Variants in SOX5 observed in about 807,000 individuals in gnomAD.
SOX5 encodes transcription factor SOX-5.
A neutral mutation model predicts 92.0 loss-of-function variants in SOX5; 9 were observed. The observed-to-expected ratio is 0.10, with a 90% confidence interval of 0.06 to 0.17. The LOEUF (loss-of-function observed/expected upper bound fraction) is 0.17. Among genes scored for constraint, SOX5 ranks in the 10% least tolerant of loss-of-function variants. The probability of loss-of-function intolerance (pLI) is 1.00; values close to 1 mark genes in which losing one functional copy is unlikely to be tolerated. For synonymous variants in SOX5, 344 were observed against 336.3 expected (o/e 1.02, Z -0.25); for missense variants, 642 against 944.5 (o/e 0.68, Z 4.20).
At chr12:24,420,016 A>AT (rs755245374) in intron 1 of SOX5, among the ~76,000 whole-genome samples, 11 of 152,262 alleles carry the variant, frequency 7.2e-5, no homozygotes, top group South Asian at 2.1e-4. Flanking sequence ...AAATGTATAC[A>AT]TTATGGTTGA....
intron 1 of SOX5, among the ~76,000 whole-genome samples, chr12:24,558,705 C>T (rs1954049018): frequency 6.6e-6 from 1 of 152,208 alleles, no homozygotes; most frequent in Non-Finnish European, 1.5e-5. Flanking sequence ...TACTTCTCCA[C>T]ATCAGAAATC....
At chr12:23,891,178 ATGAACT>A (rs762525663) in intron 2 of SOX5, among the ~76,000 whole-genome samples, 93 of 152,320 alleles carry the variant, frequency 6.1e-4, no homozygotes, top group Non-Finnish European at 8.1e-4. Context: ...CCAGGAATAA[ATGAACT>A]TTAAGTATTT....
At chr12:24,251,717 G>A (rs1048767189) in intron 3 of SOX5, among the ~76,000 whole-genome samples, 13 of 151,442 alleles carry the variant, frequency 8.6e-5, no homozygotes, top group South Asian at 2.1e-4. Flanking sequence ...GATTACAGGC[G>A]CCTGCCACCA....
chr12:23,869,419 A>T (rs530668614), intron 2 of SOX5, among the ~76,000 whole-genome samples: 2 of 152,114 alleles, frequency 1.3e-5, no homozygotes, highest in South Asian at 4.1e-4. Context: ...TTTTCAAATC[A>T]TATCTATCCT....
At chr12:23,903,086 T>C (rs2097253817) in intron 1 of SOX5, among the ~76,000 whole-genome samples, 1 of 152,154 alleles carries the variant, frequency 6.6e-6, no homozygotes, top group South Asian at 2.1e-4. Flanking sequence ...ACCTATTCAT[T>C]CATTAGTGGA....
At position 23,557,962 on chromosome 12, in the gene SOX5, C is replaced by T. The variant is rs191225510; in HGVS notation, c.1488+5296G>A. Among the ~76,000 whole-genome samples, 3 of 124,368 alleles carry T rather than the reference C, an allele frequency of 2.4e-5. No homozygotes were observed. The East Asian group carries it at 7.0e-4, about 29-fold the overall frequency. The allele number at this position is 124,368 out of a possible 152,430, so 81.6% of individuals were successfully genotyped here. On this transcript the variant is annotated intron_variant, in intron 11 of 14. Coordinates refer to ENST00000451604, the MANE Select transcript of SOX5 (RefSeq NM_006940.6). ...TTGCACTCCAGCCTGGGTGACAGAG[C>T]GAGACTCCGCCTCAAAAAAAAAAAA... is the stretch of plus-strand genomic sequence containing the variant.
rs545892917 is a variant in SOX5 at position 24,019,872 on chromosome 12, C to T, written c.-1-123848G>A. Among the ~76,000 whole-genome samples the T allele has an allele frequency of 6.6e-5, 10 of 152,220 alleles. No homozygotes were observed. In the South Asian group the frequency reaches 2.1e-3, roughly 32 times the overall value. ...TATTTCCCTCTTAAACTACGAGAAG[C>T]AGTTGAGGGAATGGAGGCAATTAAT... is the stretch of plus-strand genomic sequence containing the variant. On this transcript the variant is annotated intron_variant, in intron 4 of 4. Transcript: ENST00000446891.
At chr12:24,037,704 A>G (rs1479821195) in intron 4 of SOX5, among the ~76,000 whole-genome samples, 1 of 152,198 alleles carries the variant, frequency 6.6e-6, no homozygotes, top group Non-Finnish European at 1.5e-5. Context: ...ATTTTAGGAA[A>G]AGATGTTACA....
intron 2 of SOX5, among the ~76,000 whole-genome samples, chr12:24,297,036 A>G (rs1947348183): frequency 6.6e-6 from 1 of 151,976 alleles, no homozygotes. Flanking sequence ...TGAATTAATA[A>G]TTTTTTGTAT....
At chr12:23,819,284 C>T (rs1020550403) in intron 3 of SOX5, among the ~76,000 whole-genome samples, 2 of 152,104 alleles carry the variant, frequency 1.3e-5, no homozygotes, top group Non-Finnish European at 2.9e-5. Flanking sequence ...TTTTCTGGGG[C>T]CATTGTTATA....
intron 10 of SOX5, among the ~76,000 whole-genome samples, chr12:23,572,292 C>A (rs1265844860): frequency 1.3e-5 from 2 of 152,112 alleles, no homozygotes; most frequent in East Asian, 1.9e-4. Flanking sequence ...CAGGAGTGAC[C>A]TTTACAACAC....
chr12:23,567,464 A>ATTTTTTT (rs35620007), intron 10 of SOX5, among the ~76,000 whole-genome samples: 3 of 119,142 alleles, frequency 2.5e-5, no homozygotes, highest in Admixed American at 9.4e-5. Flanking sequence ...ATTTGATTTG[A>ATTTTTTT]TTTTTTTTTT....
intron 3 of SOX5, among the ~76,000 whole-genome samples, chr12:23,833,784 T>C (rs978606090): frequency 6.6e-6 from 1 of 151,830 alleles, no homozygotes; most frequent in East Asian, 1.9e-4. Context: ...TTGGAGAAGA[T>C]GGAATAAATG....
At chr12:23,750,295 T>C (rs1052697074) in intron 4 of SOX5, among the ~76,000 whole-genome samples, 7 of 151,932 alleles carry the variant, frequency 4.6e-5, no homozygotes, top group African/African-American at 1.4e-4. Flanking sequence ...GTAAGAAAGA[T>C]GTTTACGCAG....
intron 1 of SOX5, among the ~76,000 whole-genome samples, chr12:23,938,929 T>G (rs940749626): frequency 6.6e-6 from 1 of 151,040 alleles, no homozygotes; most frequent in East Asian, 1.9e-4. Context: ...AGTATGTTAT[T>G]AAACAAAAAA....
chr12:24,432,422 G>A (rs12302145), intron 1 of SOX5, among the ~76,000 whole-genome samples: 3,136 of 152,194 alleles, frequency 0.021, 127 homozygotes, highest in African/African-American at 0.072. Flanking sequence ...CAAAACAAAG[G>A]GAGAGGAGAT....
At chr12:23,991,220 A>C (rs924497021) in intron 4 of SOX5, among the ~76,000 whole-genome samples, 37 of 151,334 alleles carry the variant, frequency 2.4e-4, no homozygotes, top group African/African-American at 9.0e-4. Flanking sequence ...AAAATTAGCC[A>C]GGCATGGTAG....
chr12:23,595,800 A>G (rs1468517259), intron 9 of SOX5, among the ~76,000 whole-genome samples: 2 of 152,136 alleles, frequency 1.3e-5, no homozygotes, highest in Non-Finnish European at 2.9e-5. Flanking sequence ...CTTATTCTGA[A>G]ATACTACCTG....
At chr12:24,206,024 G>A (rs895941876) in intron 4 of SOX5, among the ~76,000 whole-genome samples, 1 of 152,078 alleles carries the variant, frequency 6.6e-6, no homozygotes, top group Non-Finnish European at 1.5e-5. Context: ...ATACAACATT[G>A]TTCACCCAAA....
Sources: allele counts gnomAD v4.1 joint callset (sites outside exome capture counted in the v4.1 genomes callset), GRCh38; gene constraint gnomAD v4.1.1; transcripts MANE v1.5; gene names NCBI Gene and HGNC (gene_info 2026-07-23, HGNC 2026-07-21).